PHACTR3: variants seen among roughly 807,000 people sequenced by gnomAD.
PHACTR3 encodes protein phosphatase 1, regulatory subunit 123.
In PHACTR3, 16 loss-of-function variants were observed where a neutral mutation model predicts 66.8. That is an observed-to-expected ratio of 0.24 (90% CI 0.16 to 0.36). The LOEUF (loss-of-function observed/expected upper bound fraction) is 0.36, where lower values mean the gene tolerates loss of function less well. Among genes scored for constraint, PHACTR3 ranks in the 10% least tolerant of loss-of-function variants. The probability of loss-of-function intolerance (pLI) is 1.00; values close to 1 mark genes in which losing one functional copy is unlikely to be tolerated. For missense variants in PHACTR3, 647 were observed against 719.9 expected (o/e 0.90, Z 1.16); for synonymous variants, 323 against 292.1 (o/e 1.11, Z -1.08).
chr20:59,610,160 C>T (rs537457771), intron 1 of PHACTR3, among the ~76,000 whole-genome samples: 67 of 152,224 alleles, frequency 4.4e-4, no homozygotes, highest in African/African-American at 1.3e-3. Flanking sequence ...GGGGCTGAGC[C>T]GGGAGGATCG....
At chr20:59,770,611 C>A (rs1453596507) in intron 5 of PHACTR3, among the ~76,000 whole-genome samples, 1 of 152,190 alleles carries the variant, frequency 6.6e-6, no homozygotes, top group Non-Finnish European at 1.5e-5. Context: ...CTGATGAGGG[C>A]TTGCTTCCTG....
chr20:59,801,780 C>G (rs2041420623), intron 7 of PHACTR3, among the ~76,000 whole-genome samples: 1 of 152,180 alleles, frequency 6.6e-6, no homozygotes, highest in Non-Finnish European at 1.5e-5. Flanking sequence ...TGACTATGGT[C>G]AGGGAAAAAG....
chr20:59,578,186 A>G (rs1386597983), intron 1 of PHACTR3, among the ~76,000 whole-genome samples: 1 of 152,198 alleles, frequency 6.6e-6, no homozygotes, highest in East Asian at 1.9e-4. Context: ...ATCTAGGAAG[A>G]GGGGCCTGAG....
intron 1 of PHACTR3, among the ~76,000 whole-genome samples, chr20:59,653,270 C>T (rs554489458): frequency 1.5e-4 from 22 of 151,378 alleles, no homozygotes; most frequent in African/African-American, 5.3e-4. Context: ...CTGCAACCTT[C>T]GCCTCCCGGG....
chr20:59,778,559 G>A (rs529183323), intron 7 of PHACTR3, among the ~76,000 whole-genome samples: 3 of 152,336 alleles, frequency 2.0e-5, no homozygotes, highest in South Asian at 2.1e-4. Flanking sequence ...CTACGGCAGC[G>A]TCCCTGACGC....
At position 59,784,811 on chromosome 20, in the gene PHACTR3, C is replaced by T. The variant is rs80071153; in HGVS notation, c.1174+10321C>T. On this transcript the variant is annotated intron_variant, in intron 7 of 12. Transcript: ENST00000371015. ...TCCTAGCACCTGCCTTATAGGGCTG[C>T]GGGGAGATGACATGGGAAACGCATT... 9.5e-3 allele frequency among the ~76,000 whole-genome samples: 1,449 copies of T among 152,252 alleles called. 19 individuals are homozygous for T. Among genetic ancestry groups the T allele is most frequent in the African/African-American group, 0.031 (1,279 of 41,548 alleles).
intron 1 of PHACTR3, among the ~76,000 whole-genome samples, chr20:59,635,575 C>T (rs2034872093): frequency 6.6e-6 from 1 of 152,074 alleles, no homozygotes; most frequent in African/African-American, 2.4e-5. Flanking sequence ...TTCAAAGCAT[C>T]TGTAAATATA....
At position 59,613,354 on chromosome 20, in the gene PHACTR3, C is replaced by T. The variant is rs568345529; in HGVS notation, c.118+8222C>T. 2.0e-5 allele frequency among the ~76,000 whole-genome samples: 3 copies of T among 152,318 alleles called. No individual in the cohort carries two copies. The South Asian group carries it at 6.2e-4, about 32-fold the overall frequency. ...TGCAACATGGTTGCTTCACCTCCAG[C>T]AACAAGTACATTTTCTAGGCAGGAC... On this transcript the variant is annotated intron_variant, in intron 1 of 12. Coordinates refer to ENST00000371015, the MANE Select transcript of PHACTR3 (RefSeq NM_080672.5).
intron 1 of PHACTR3, among the ~76,000 whole-genome samples, chr20:59,591,312 C>T (rs2033176857): frequency 6.6e-6 from 1 of 152,220 alleles, no homozygotes; most frequent in African/African-American, 2.4e-5. Flanking sequence ...CCCAGTGCTT[C>T]AGTTCCCCAC....
intron 7 of PHACTR3, among the ~76,000 whole-genome samples, chr20:59,797,163 C>A (rs1162843170): frequency 6.6e-6 from 1 of 152,102 alleles, no homozygotes; most frequent in East Asian, 1.9e-4. Context: ...TCTTCAGCTA[C>A]AAGATTTCTG....
intron 1 of PHACTR3, among the ~76,000 whole-genome samples, chr20:59,617,459 G>A (rs2034069121): frequency 6.6e-6 from 1 of 152,182 alleles, no homozygotes; most frequent in Admixed American, 6.5e-5. Flanking sequence ...TCTGTGTGGT[G>A]TTAAAAAATT....
chr20:59,766,116 G>T (rs2040171842), intron 4 of PHACTR3, among the ~76,000 whole-genome samples: 1 of 152,212 alleles, frequency 6.6e-6, no homozygotes, highest in Non-Finnish European at 1.5e-5. Context: ...CCGGTCTGAT[G>T]ACCTCAGTTT....
chr20:59,734,052 C>G (rs534136096), intron 1 of PHACTR3, among the ~76,000 whole-genome samples: 1 of 151,862 alleles, frequency 6.6e-6, no homozygotes, highest in Non-Finnish European at 1.5e-5. Context: ...CTCAATGACT[C>G]CACATTGTCC....
chr20:59,688,642 C>A (rs1226130116), intron 1 of PHACTR3, among the ~76,000 whole-genome samples: 1 of 152,094 alleles, frequency 6.6e-6, no homozygotes, highest in African/African-American at 2.4e-5. Context: ...TGTATTTTTC[C>A]TCCTCATTCT....
At position 59,630,505 on chromosome 20, in the gene PHACTR3, A is replaced by G. The variant is rs6128648; in HGVS notation, c.118+25373A>G. 4.6e-3 allele frequency among the ~76,000 whole-genome samples: 700 copies of G among 152,326 alleles called. 30 individuals are homozygous for G. The East Asian group carries it at 0.091, about 20-fold the overall frequency. On this transcript the variant is annotated intron_variant, in intron 1 of 12. Coordinates refer to ENST00000371015, the MANE Select transcript of PHACTR3 (RefSeq NM_080672.5). ...GCCTGTTTAATTTTTCATTAGAAAAATATTGCATTTCCATTAAAGTAGACG... is the reference window on the plus strand; with the variant it reads ...GCCTGTTTAATTTTTCATTAGAAAAGTATTGCATTTCCATTAAAGTAGACG...
intron 4 of PHACTR3, among the ~76,000 whole-genome samples, chr20:59,765,254 T>C (rs916189403): frequency 3.3e-5 from 5 of 152,230 alleles, no homozygotes; most frequent in Non-Finnish European, 7.3e-5. Context: ...TCTCAAAGCA[T>C]AGGAGTCTTA....
chr20:59,830,262 A>G lies in PHACTR3; in HGVS notation c.1329-6243A>G, dbSNP rs1160783825. On this transcript the variant is annotated intron_variant, in intron 8 of 12. Transcript: ENST00000371015. The surrounding 1 kb of genome is among the most constrained non-coding windows in gnomAD (Gnocchi z 5.8). ...GAAGAGGGTATGAGTGTCTGATAGAAGAGGGTATGAGTGTCTGATGGAAGC... is the reference window on the plus strand; with the variant it reads ...GAAGAGGGTATGAGTGTCTGATAGAGGAGGGTATGAGTGTCTGATGGAAGC... Among the ~76,000 whole-genome samples, 2 of 151,926 alleles carry G rather than the reference A, an allele frequency of 1.3e-5. No homozygotes were observed. The highest frequency in any genetic ancestry group is 2.9e-5 in the Non-Finnish European group (2 of 67,992).
intron 1 of PHACTR3, among the ~76,000 whole-genome samples, chr20:59,623,548 T>A (rs2034337889): frequency 6.6e-6 from 1 of 152,244 alleles, no homozygotes; most frequent in African/African-American, 2.4e-5. Flanking sequence ...CATTCTTTTC[T>A]TCTTCGTTTG....
rs1555881160 is a variant in PHACTR3, at chr20:59,635,149, T to TTCTTTCTTTCTTTCTTTTTC, written c.118+30018_118+30019insCTTTCTTTCTTTCTTTTTCT. On this transcript the variant is annotated intron_variant, in intron 1 of 12. Coordinates refer to ENST00000371015, the MANE Select transcript of PHACTR3 (RefSeq NM_080672.5). ...TTTCTTTCTTTCTTTCTTTCTTTCTTTTTCTTTCTTTCTTTCTTTCCTTTC... is the reference window on the plus strand; with the variant it reads ...TTTCTTTCTTTCTTTCTTTCTTTCTTTCTTTCTTTCTTTCTTTTTCTTTCTTTCTTTCTTTCTTTCCTTTC... Among the ~76,000 whole-genome samples the TTCTTTCTTTCTTTCTTTTTC allele has an allele frequency of 1.3e-4, 8 of 60,412 alleles. No homozygotes were observed. In the East Asian group the frequency reaches 4.4e-3, roughly 33 times the overall value. The allele number at this position is 60,412 out of a possible 152,430, so 39.6% of individuals were successfully genotyped here.
Sources: gnomAD v4.1 joint callset for allele counts (sites outside exome capture counted in the v4.1 genomes callset) on GRCh38, gnomAD v4.1.1 for gene constraint, Gnocchi (gnomAD v3.1) non-coding constraint, MANE v1.5 for transcripts, NCBI Gene and HGNC (gene_info 2026-07-23, HGNC 2026-07-21) for gene names.